The following BMAL1 variants were observed in gnomAD, a reference collection of about 807,000 sequenced individuals.
The protein encoded by BMAL1 is basic helix-loop-helix ARNT-like protein 1.
the BMAL1 span, among the ~76,000 whole-genome samples, chr11:13,295,113 G>T: frequency 6.6e-6 from 1 of 152,190 alleles, no homozygotes; most frequent in Non-Finnish European, 1.5e-5. Flanking sequence ...TCCAGCAGCA[G>T]TTGGCCCACA....
At chr11:13,378,341 C>G in the BMAL1 span, 1 of 1,608,368 alleles carries the variant, frequency 6.2e-7, no homozygotes, top group South Asian at 1.1e-5. Context: ...TTGTAGGTGG[C>G]CCAAAGAGGA....
the BMAL1 span, among the ~76,000 whole-genome samples, chr11:13,364,648 G>T: frequency 6.6e-6 from 1 of 152,202 alleles, no homozygotes; most frequent in Non-Finnish European, 1.5e-5. Flanking sequence ...TGTCTGGAAG[G>T]CAGTGGGTGG....
the BMAL1 span, among the ~76,000 whole-genome samples, chr11:13,312,937 A>T: frequency 6.6e-6 from 1 of 152,236 alleles, no homozygotes; most frequent in Admixed American, 6.5e-5. Flanking sequence ...ATGTGACGTC[A>T]GGTATGATCA....
chr11:13,317,839 A>G, the BMAL1 span, among the ~76,000 whole-genome samples: 1 of 152,244 alleles, frequency 6.6e-6, no homozygotes, highest in Non-Finnish European at 1.5e-5. Context: ...CATTTAAAAA[A>G]TACGTAGATA....
At chr11:13,354,207 A>AAAACCC in the BMAL1 span, 2 of 205,816 alleles carry the variant, frequency 9.7e-6, no homozygotes, top group South Asian at 4.4e-5. Context: ...CCGGCCCCCC[A>AAAACCC]CCACCAAACC....
At chr11:13,349,233 G>A in the BMAL1 span, among the ~76,000 whole-genome samples, 9 of 152,352 alleles carry the variant, frequency 5.9e-5, no homozygotes, top group African/African-American at 9.6e-5. Flanking sequence ...CGAGGAGCTC[G>A]CTTCAGCAGT....
the BMAL1 span, among the ~76,000 whole-genome samples, chr11:13,320,071 G>A: frequency 8.5e-5 from 13 of 152,320 alleles, no homozygotes; most frequent in East Asian, 1.7e-3. Context: ...TCATGTTTAC[G>A]AAGGTTTGAA....
chr11:13,301,970 G>C, the BMAL1 span, among the ~76,000 whole-genome samples: 8 of 152,216 alleles, frequency 5.3e-5, no homozygotes, highest in Admixed American at 3.3e-4. Context: ...AAGCTGTCCT[G>C]TCTCTGATTT....
chr11:13,367,826 T>C, the BMAL1 span, among the ~76,000 whole-genome samples: 1 of 152,186 alleles, frequency 6.6e-6, no homozygotes, highest in Non-Finnish European at 1.5e-5. Flanking sequence ...CTGTCTCAGT[T>C]TTCTCATTTA....
At chr11:13,320,810 T>C in the BMAL1 span, among the ~76,000 whole-genome samples, 1 of 152,154 alleles carries the variant, frequency 6.6e-6, no homozygotes. Context: ...GTATTTGATA[T>C]GGGAGCCTAA....
At chr11:13,374,626 C>T in the BMAL1 span, among the ~76,000 whole-genome samples, 8 of 152,162 alleles carry the variant, frequency 5.3e-5, no homozygotes, top group Non-Finnish European at 1.0e-4. Flanking sequence ...TGTTCATTCA[C>T]CTCAGACATG....
chr11:13,382,598 C>T, the BMAL1 span, among the ~76,000 whole-genome samples: 2 of 151,218 alleles, frequency 1.3e-5, no homozygotes, highest in Non-Finnish European at 2.9e-5. Context: ...CATATTGGAT[C>T]CACCATCTTC....
At chr11:13,367,609 G>C in the BMAL1 span, among the ~76,000 whole-genome samples, 109 of 151,074 alleles carry the variant, frequency 7.2e-4, no homozygotes, top group Non-Finnish European at 1.2e-4. Flanking sequence ...GCTGAGGCAG[G>C]AGAGTTTCTT....
At chr11:13,282,073 C>T in the BMAL1 span, among the ~76,000 whole-genome samples, 1 of 152,160 alleles carries the variant, frequency 6.6e-6, no homozygotes, top group Non-Finnish European at 1.5e-5. Flanking sequence ...TACAGGTTTG[C>T]AGACTGCTTG....
the BMAL1 span, among the ~76,000 whole-genome samples, chr11:13,290,082 G>A: frequency 1.3e-5 from 2 of 152,132 alleles, no homozygotes; most frequent in Admixed American, 1.3e-4. Flanking sequence ...ATTCTAACTG[G>A]TGTGAGATGG....
chr11:13,366,803 G>C, the BMAL1 span: 1 of 1,600,174 alleles, frequency 6.2e-7, no homozygotes, highest in Middle Eastern at 1.7e-4. Flanking sequence ...GAGAGGCCTC[G>C]CATTTCCTCA....
the BMAL1 span, chr11:13,358,353 T>C: frequency 2.1e-6 from 3 of 1,403,346 alleles, no homozygotes; most frequent in African/African-American, 2.9e-5. Flanking sequence ...TTGAAAACAG[T>C]TACAACTCAT....
At chr11:13,386,818 A>T in the BMAL1 span, 1 of 1,573,716 alleles carries the variant, frequency 6.4e-7, no homozygotes, top group Non-Finnish European at 8.7e-7. Context: ...GGAGTTTTAC[A>T]GTCTGTGAAG....
the BMAL1 span, among the ~76,000 whole-genome samples, chr11:13,370,477 C>T: frequency 6.6e-6 from 1 of 152,366 alleles, no homozygotes. Flanking sequence ...TGAGCCTCTC[C>T]TCCAGCATAA....
Sources: allele counts gnomAD v4.1 joint callset (sites outside exome capture counted in the v4.1 genomes callset), GRCh38; gene constraint gnomAD v4.1.1; transcripts MANE v1.5; gene names NCBI Gene and HGNC (gene_info 2026-07-23, HGNC 2026-07-21).